The following GRM7 variants were observed in gnomAD, a reference collection of about 807,000 sequenced individuals.
GRM7 encodes glutamate metabotropic receptor 7.
Under a neutral mutation model 84.5 loss-of-function variants are expected in GRM7, and 35 were observed. That is an observed-to-expected ratio of 0.41 (90% confidence interval 0.32 to 0.55). The LOEUF is 0.55. Among genes scored for constraint, GRM7 ranks in the 20% least tolerant of loss-of-function variants. GRM7 has a pLI of 0.19. For synonymous variants in GRM7, 487 were observed against 455.1 expected, an observed-to-expected ratio of 1.07 and a Z score of -0.89; for missense variants, 1,003 against 1,194.6, an observed-to-expected ratio of 0.84 and a Z score of 2.36.
intron 8 of GRM7, among the ~76,000 whole-genome samples, chr3:7,596,797 A>G (rs1235136526): frequency 6.6e-6 from 1 of 152,108 alleles, no homozygotes; most frequent in African/African-American, 2.4e-5. Context: ...AAGGCTCTCA[A>G]GGGGTTTTAC....
chr3:7,482,996 A>C (rs1699190100), intron 7 of GRM7, among the ~76,000 whole-genome samples: 2 of 152,186 alleles, frequency 1.3e-5, no homozygotes, highest in African/African-American at 4.8e-5. Context: ...TACTCCTAAC[A>C]ATTTTAAGCT....
At chr3:6,919,869 G>A (rs1418651144) in intron 1 of GRM7, among the ~76,000 whole-genome samples, 1 of 152,132 alleles carries the variant, frequency 6.6e-6, no homozygotes, top group African/African-American at 2.4e-5. Context: ...ACAGGAATGT[G>A]CCTGTTCCAC....
intron 8 of GRM7, among the ~76,000 whole-genome samples, chr3:7,648,436 C>G: frequency 6.6e-6 from 1 of 151,824 alleles, no homozygotes; most frequent in Non-Finnish European, 1.5e-5. Context: ...CACCTGAGGT[C>G]AGGAGTTCGA....
chr3:7,471,104 C>T (rs760116804), intron 7 of GRM7, among the ~76,000 whole-genome samples: 3 of 151,736 alleles, frequency 2.0e-5, no homozygotes, highest in Non-Finnish European at 2.9e-5. Flanking sequence ...AAAATACCCA[C>T]CTCATAAGAA....
intron 1 of GRM7, among the ~76,000 whole-genome samples, chr3:7,034,506 T>C (rs1466143436): frequency 6.6e-6 from 1 of 152,248 alleles, no homozygotes; most frequent in African/African-American, 2.4e-5. Context: ...AGCAATTTCA[T>C]ACATATGTTT....
intron 9 of GRM7, among the ~76,000 whole-genome samples, chr3:7,703,591 G>T (rs1395987521): frequency 6.6e-6 from 1 of 152,152 alleles, no homozygotes; most frequent in Non-Finnish European, 1.5e-5. Flanking sequence ...ATCTAAAAAT[G>T]TGATCTTCCA....
intron 1 of GRM7, among the ~76,000 whole-genome samples, chr3:7,134,753 A>C (rs527956937): frequency 6.6e-6 from 1 of 152,186 alleles, no homozygotes; most frequent in East Asian, 1.9e-4. Flanking sequence ...AGGTACACAT[A>C]TGCTAGATGG....
chr3:7,344,798 T>C, intron 4 of GRM7, among the ~76,000 whole-genome samples: 1 of 151,912 alleles, frequency 6.6e-6, no homozygotes. Flanking sequence ...AGGGAAGAGG[T>C]TGGTTAATGG....
intron 6 of GRM7, 113 bp from the exon 7 acceptor site, chr3:7,461,470 T>C: frequency 2.5e-6 from 2 of 809,932 alleles, no homozygotes; most frequent in Non-Finnish European, 4.0e-6. Context: ...TTAAAGGGGA[T>C]ATCTAGTAAC....
chr3:7,215,468 C>T (rs968278576), intron 2 of GRM7, among the ~76,000 whole-genome samples: 4 of 151,956 alleles, frequency 2.6e-5, no homozygotes, highest in Middle Eastern at 3.4e-3. Flanking sequence ...ATCTAGACCA[C>T]CCTGGCTAAC....
chr3:7,198,374 G>T (rs1695951575), intron 2 of GRM7, among the ~76,000 whole-genome samples: 1 of 152,064 alleles, frequency 6.6e-6, no homozygotes, highest in Non-Finnish European at 1.5e-5. Flanking sequence ...ATTACTTTTG[G>T]AGAGAATTAA....
At chr3:7,711,891 C>A (rs368966178) in intron 9 of GRM7, among the ~76,000 whole-genome samples, 20 of 152,192 alleles carry the variant, frequency 1.3e-4, no homozygotes, top group Admixed American at 2.6e-4. Context: ...CTTTCTGTAC[C>A]CACTTGAGCT....
intron 8 of GRM7, among the ~76,000 whole-genome samples, chr3:7,595,263 G>A (rs1400182813): frequency 6.6e-6 from 1 of 152,192 alleles, no homozygotes; most frequent in African/African-American, 2.4e-5. Context: ...GAGAATGACT[G>A]GAGGGAGCAG....
chr3:7,586,926 T>A (rs1361947191), intron 8 of GRM7, among the ~76,000 whole-genome samples: 1 of 152,206 alleles, frequency 6.6e-6, no homozygotes, highest in African/African-American at 2.4e-5. Context: ...TTATATCAAT[T>A]TTTAAATATC....
At chr3:7,321,485 T>C (rs74681774) in intron 4 of GRM7, among the ~76,000 whole-genome samples, 23,344 of 152,082 alleles carry the variant, frequency 0.15, 2,021 homozygotes, top group African/African-American at 0.23. Context: ...TTTTTAGCTA[T>C]TTCTGATCTC....
At chr3:7,143,459 G>A (rs1233648337) in intron 1 of GRM7, among the ~76,000 whole-genome samples, 1 of 151,958 alleles carries the variant, frequency 6.6e-6, no homozygotes, top group Non-Finnish European at 1.5e-5. Context: ...AAGTACCATT[G>A]GATAGAGGGT....
At chr3:7,358,137 G>A (rs969353556) in intron 4 of GRM7, among the ~76,000 whole-genome samples, 14 of 152,220 alleles carry the variant, frequency 9.2e-5, no homozygotes, top group African/African-American at 3.4e-4. Flanking sequence ...TGAAAATTAG[G>A]TTAGCAATGT....
At chr3:7,266,157 C>G (rs1265754711) in intron 2 of GRM7, among the ~76,000 whole-genome samples, 6 of 151,694 alleles carry the variant, frequency 4.0e-5, no homozygotes, top group Non-Finnish European at 8.8e-5. Flanking sequence ...AATGAAGGTA[C>G]AATAATACAG....
At chr3:7,580,061 C>T (rs183542622) in intron 8 of GRM7, among the ~76,000 whole-genome samples, 1 of 152,292 alleles carries the variant, frequency 6.6e-6, no homozygotes, top group Admixed American at 6.5e-5. Flanking sequence ...AACTTTGAGG[C>T]CAACATATTT....
Sources: allele counts gnomAD v4.1 joint callset (sites outside exome capture counted in the v4.1 genomes callset), GRCh38; gene constraint gnomAD v4.1.1; transcripts MANE v1.5; gene names NCBI Gene and HGNC (gene_info 2026-07-23, HGNC 2026-07-21).